Variants in CNIH1 observed in about 807,000 individuals in gnomAD.
The protein encoded by CNIH1 is cornichon family member 1.
CNIH1 carries 12 observed loss-of-function variants against 20.2 expected under a neutral mutation model. The observed-to-expected ratio is 0.59, with a 90% confidence interval of 0.38 to 0.96. The LOEUF (loss-of-function observed/expected upper bound fraction) is 0.96, where lower values mean the gene tolerates loss of function less well. Among genes scored for constraint, CNIH1 ranks in the 40% least tolerant of loss-of-function variants. CNIH1 has a pLI of 0.00. For missense variants in CNIH1, 152 were observed against 178.8 expected, an observed-to-expected ratio of 0.85 and a Z score of 0.85; for synonymous variants, 69 against 63.3, an observed-to-expected ratio of 1.09 and a Z score of -0.43.
chr14:54,427,878 C>T (rs111790713), intron 4 of CNIH1, 37 bp from the exon 5 acceptor site: 1 of 1,599,820 alleles, frequency 6.3e-7, no homozygotes, highest in Non-Finnish European at 8.6e-7. Context: ...TTGAACATTA[C>T]TAATTATTAA....
chr14:54,436,179 A>G (rs1555363385), intron 2 of CNIH1, 190 bp downstream of exon 2: 2 of 706,500 alleles, frequency 2.8e-6, no homozygotes, highest in Non-Finnish European at 5.2e-6. Flanking sequence ...ATGACAGCTG[A>G]CAAGATCACC....
At position 54,424,468 on chromosome 14, in the gene CNIH1, G is replaced by A. The variant is rs1446752806; in HGVS notation, c.*3346C>T. 1 of 152,094 alleles carries A rather than the reference G, an allele frequency of 6.6e-6. No homozygotes were observed. The highest frequency in any genetic ancestry group is 2.4e-5 in the African/African-American group (1 of 41,412). 9.4% of individuals were successfully genotyped at this position (152,094 alleles called of 1,614,324 possible). On this transcript the variant is annotated 3_prime_UTR_variant, in exon 5 of 5. Transcript: ENST00000216416. The stretch of plus-strand genomic sequence containing the variant: ...TTTGAGTGGGCTTGATACACTGCTA[G>A]GATATAACCACACCTAAGGTGAAAG...
rs1329047588 is a variant in CNIH1 at position 54,432,021 on chromosome 14, G to A, written c.263+87C>T. 4 of 588,058 alleles carry A rather than the reference G, an allele frequency of 6.8e-6. No individual in the cohort carries two copies. The Admixed American group carries it at 1.7e-4, about 25-fold the overall frequency. 36.4% of individuals were successfully genotyped at this position (588,058 alleles called of 1,614,324 possible). A position where few individuals can be genotyped will look rare whatever the true frequency, so the allele number is the denominator to read the frequency against. On this transcript the variant is annotated intron_variant, in intron 3 of 4. Coordinates refer to ENST00000216416, the MANE Select transcript of CNIH1 (RefSeq NM_005776.3). ...CCAACTGATCTTCCATTTTTATGTA[G>A]GTGACTAGCATGTAAGATAACCATA...
In CNIH1 at chr14:54,430,397, T is replaced by G. The variant is rs2030910307; in HGVS notation, c.271A>C (p.Ser91Arg). The change falls in exon 4 of 5, where the codon AGT (serine) becomes CGT (arginine). Residue 91 changes from serine to arginine, a missense_variant. Around this residue, in one of 3 missense-constraint regions of CNIH1, gnomAD observed 27 missense variants for 55.4 expected, o/e 0.49. Transcript: ENST00000216416. The stretch of plus-strand genomic sequence containing the variant: ...CCTGGGCCACTCATCACTGGTCTAC[T>G]CATATACCTGGAATAAACACAGTCT... ...LLAYHIWRYM[S>R]RPVMSGPGLY... The G allele has an allele frequency of 1.2e-6, 2 of 1,613,348 alleles. No individual in the cohort carries two copies. The highest frequency in any genetic ancestry group is 1.7e-6 in the Non-Finnish European group (2 of 1,179,716).
In CNIH1 at chr14:54,426,551, T is replaced by C. The variant is rs1235074870; in HGVS notation, c.*1263A>G. The C allele has an allele frequency of 1.3e-5, 2 of 152,162 alleles. No individual in the cohort carries two copies. Among genetic ancestry groups the C allele is most frequent in the African/African-American group, 2.4e-5 (1 of 41,438 alleles). 9.4% of individuals were successfully genotyped at this position (152,162 alleles called of 1,614,324 possible). On this transcript the variant is annotated 3_prime_UTR_variant, in exon 5 of 5. Coordinates refer to ENST00000216416, the MANE Select transcript of CNIH1 (RefSeq NM_005776.3). ...AAAGCACAAGATTTATTTATGCTTA[T>C]GAAAACATGCAAGCCATAATTTACC...
intron 1 of CNIH1, among the ~76,000 whole-genome samples, chr14:54,438,329 T>C (rs189147833): frequency 5.9e-5 from 9 of 152,358 alleles, no homozygotes; most frequent in African/African-American, 1.2e-4. Flanking sequence ...TTGAGTGCTA[T>C]AGGCTAGGGT....
intron 1 of CNIH1, among the ~76,000 whole-genome samples, chr14:54,438,336 G>A (rs1334550633): frequency 6.6e-6 from 1 of 152,134 alleles, no homozygotes; most frequent in African/African-American, 2.4e-5. Flanking sequence ...CTATAGGCTA[G>A]GGTTTTCGAA....
At chr14:54,430,058 CCT>C in intron 4 of CNIH1, 1 of 543,032 alleles carries the variant, frequency 1.8e-6, no homozygotes, top group South Asian at 2.4e-5. Flanking sequence ...AAACCTTCTG[CCT>C]CTGATGGCAG....
In CNIH1 at chr14:54,432,178, T is replaced by C. The variant is rs1480221184; in HGVS notation, c.193A>G (p.Met65Val). 3 of 1,566,026 alleles carry C rather than the reference T, an allele frequency of 1.9e-6. No homozygotes were observed. Among genetic ancestry groups the C allele is most frequent in the Non-Finnish European group, 2.6e-6 (3 of 1,154,476 alleles). The change falls in exon 3 of 5, where the codon ATG (methionine) becomes GTG (valine). Residue 65 changes from methionine to valine, a missense_variant. Physicochemically the swap from Met to Val is conservative, Grantham distance 21. Transcript: ENST00000216416. ...EYLIHAFFCVMFLCAAEWLTL... is the reference protein window; with the variant it reads ...EYLIHAFFCVVFLCAAEWLTL... ...AGCCACTCTGCTGCACAAAGAAACA[T>C]GACACAGAAGAAAGCGTGGATGAGG...
chr14:54,436,485 A>G (rs2031056603), intron 1 of CNIH1, 48 bp from the exon 2 acceptor site: 1 of 1,013,216 alleles, frequency 9.9e-7, no homozygotes, highest in Non-Finnish European at 1.5e-6. Flanking sequence ...AATTAAAAGC[A>G]GCAACAAACC....
intron 4 of CNIH1, among the ~76,000 whole-genome samples, chr14:54,429,148 C>T (rs1184101030): frequency 6.6e-6 from 1 of 152,186 alleles, no homozygotes; most frequent in Non-Finnish European, 1.5e-5. Context: ...TATAATTCTA[C>T]ATTTAACAGT....
chr14:54,428,638 T>C (rs1468697907), intron 4 of CNIH1, among the ~76,000 whole-genome samples: 1 of 152,232 alleles, frequency 6.6e-6, no homozygotes, highest in Non-Finnish European at 1.5e-5. Flanking sequence ...ATTTCTTTCA[T>C]TCAACAAATA....
intron 4 of CNIH1, 150 bp downstream of exon 4, chr14:54,430,111 T>G: frequency 1.3e-6 from 1 of 764,742 alleles, no homozygotes; most frequent in Non-Finnish European, 2.1e-6. Flanking sequence ...TGGGCCACAC[T>G]GAATGTGTGC....
At chr14:54,434,783 T>G (rs2031022620) in intron 2 of CNIH1, among the ~76,000 whole-genome samples, 1 of 152,198 alleles carries the variant, frequency 6.6e-6, no homozygotes, top group Non-Finnish European at 1.5e-5. Context: ...TTCAACTACT[T>G]AGGTTAAGAT....
rs771960166 is a variant in CNIH1, at chr14:54,430,324, C to T, written c.344G>A (p.Cys115Tyr). The T allele has an allele frequency of 1.2e-6, 2 of 1,614,138 alleles. No individual in the cohort carries two copies. The highest frequency in any genetic ancestry group is 1.7e-6 in the Non-Finnish European group (2 of 1,179,974). ...TAATTTGCACCATCCTTCCTTCTGA[C>T]AATATGCTAGAATATCTGCATTCAT... ...TIMNADILAY[C>Y]QKEGWCKLAF... The change falls in exon 4 of 5, where the codon TGT becomes TAT. Residue 115 changes from cysteine (C) to tyrosine (Y), a missense_variant. Cys to Tyr is a radical substitution (Grantham distance 194). This residue lies in a region of CNIH1 where 27 missense variants were observed against 55.4 expected (regional missense o/e 0.49). Transcript: ENST00000216416.
At chr14:54,438,846 G>C (rs1047859819) in intron 1 of CNIH1, among the ~76,000 whole-genome samples, 25 of 152,274 alleles carry the variant, frequency 1.6e-4, no homozygotes, top group African/African-American at 6.0e-4. Context: ...TGAATGGTTT[G>C]GTGTCATCTT....
At position 54,441,222 on chromosome 14, in the gene CNIH1, C is replaced by T. The variant is rs763210825; in HGVS notation, c.81+25G>A. 1.3e-5 allele frequency: 20 copies of T among 1,491,596 alleles called. No homozygotes were observed. The Admixed American group carries it at 1.8e-4, about 14-fold the overall frequency. 92.4% of individuals were successfully genotyped at this position (1,491,596 alleles called of 1,614,324 possible). ...AGAGGCTGTGTTGCCGCCTCGCCCT[C>T]CTTTCCCCAGCCCCAGCTACTCACG... On this transcript the variant is annotated intron_variant, in intron 1 of 4. Coordinates refer to ENST00000216416, the MANE Select transcript of CNIH1 (RefSeq NM_005776.3).
At chr14:54,436,026 T>A in intron 2 of CNIH1, 1 of 699,996 alleles carries the variant, frequency 1.4e-6, no homozygotes, top group Non-Finnish European at 2.6e-6. Flanking sequence ...GCCCTAACCC[T>A]CCCCATGAAA....
chr14:54,425,352 G>C lies in CNIH1; in HGVS notation c.*2462C>G, dbSNP rs2030805582. 2 of 150,686 alleles carry C rather than the reference G, an allele frequency of 1.3e-5. No individual in the cohort carries two copies. The highest frequency in any genetic ancestry group is 4.9e-5 in the African/African-American group (2 of 40,786). The allele number at this position is 150,686 out of a possible 1,614,324, so 9.3% of individuals were successfully genotyped here. On this transcript the variant is annotated 3_prime_UTR_variant, in exon 5 of 5. Transcript: ENST00000216416. ...GAGCTAGAAAGCTTTTAAAGATAAAGCACATAATACCAAAAGTAACTGTAA... is the reference window on the plus strand; with the variant it reads ...GAGCTAGAAAGCTTTTAAAGATAAACCACATAATACCAAAAGTAACTGTAA...
Sources: gnomAD v4.1 joint callset for allele counts (sites outside exome capture counted in the v4.1 genomes callset) on GRCh38, gnomAD v4.1.1 for gene constraint, gnomAD v4.1.1 regional missense constraint, MANE v1.5 for transcripts, NCBI Gene and HGNC (gene_info 2026-07-23, HGNC 2026-07-21) for gene names.